BNIP3L: variants seen among roughly 807,000 people sequenced by gnomAD.
BNIP3L encodes the protein BCL2 interacting protein 3 like.
In BNIP3L, 10 loss-of-function variants were observed where a neutral mutation model predicts 25.5. The ratio of observed to expected loss-of-function variants is 0.39; its 90% confidence interval spans 0.24 to 0.67. The LOEUF (loss-of-function observed/expected upper bound fraction) is 0.67. Ranked by LOEUF, BNIP3L falls within the 30% of genes least tolerant of loss-of-function variation. The pLI, the probability that BNIP3L is intolerant of heterozygous loss-of-function variation, is 0.45. For missense variants in BNIP3L, 215 were observed against 270.9 expected (o/e 0.79, Z 1.45); for synonymous variants, 113 against 101.2 (o/e 1.12, Z -0.70).
intron 1 of BNIP3L, among the ~76,000 whole-genome samples, chr8:26,387,408 C>T (rs548304160): frequency 6.6e-6 from 1 of 152,200 alleles, no homozygotes; most frequent in Non-Finnish European, 1.5e-5. Flanking sequence ...TTTTAGTTTT[C>T]AAGCTTGATC....
intron 3 of BNIP3L, among the ~76,000 whole-genome samples, chr8:26,405,863 T>C (rs1806488446): frequency 6.6e-6 from 1 of 151,948 alleles, no homozygotes; most frequent in Non-Finnish European, 1.5e-5. Flanking sequence ...GCCAACATGG[T>C]GAAACCCCGT....
intron 5 of BNIP3L, 78 bp downstream of exon 5, chr8:26,408,454 A>G: frequency 6.7e-7 from 1 of 1,482,506 alleles, no homozygotes; most frequent in Admixed American, 2.1e-5. Context: ...TGTATGTGAA[A>G]GCAGTTTTTA....
At position 26,401,959 on chromosome 8, in the gene BNIP3L, G is replaced by A. The variant is rs147161864; in HGVS notation, c.358-6041G>A. Among the ~76,000 whole-genome samples, 147 of 152,222 alleles carry A rather than the reference G, an allele frequency of 9.7e-4. 2 individuals are homozygous for A. The East Asian group carries it at 0.021, about 21-fold the overall frequency. ...CATTAGAGTACAAATTCTTGAGGAC[G>A]GGAACCATTATCTTTTTCTCCTGTA... On this transcript the variant is annotated intron_variant, in intron 3 of 5. Transcript: ENST00000380629.
chr8:26,384,773 C>T (rs73217734), intron 1 of BNIP3L, among the ~76,000 whole-genome samples: 5,670 of 132,360 alleles, frequency 0.043, 161 homozygotes, highest in South Asian at 0.13. Flanking sequence ...CTCGCTCTGT[C>T]TACAACCTCC....
At position 26,408,395 on chromosome 8, in the gene BNIP3L, C is replaced by T. The variant is rs369241811; in HGVS notation, c.611+19C>T. The T allele has an allele frequency of 5.7e-6, 9 of 1,590,262 alleles. No individual in the cohort carries two copies. The highest frequency in any genetic ancestry group is 2.2e-5 in the East Asian group (1 of 44,606). ...GGCTAGGGTAAGTACCGGTCAACTCCTGAAGTTTTTTCCATTCATTTTATC... is the reference window on the plus strand; with the variant it reads ...GGCTAGGGTAAGTACCGGTCAACTCTTGAAGTTTTTTCCATTCATTTTATC... On this transcript the variant is annotated intron_variant, in intron 5 of 5. Coordinates refer to ENST00000380629, the MANE Select transcript of BNIP3L (RefSeq NM_004331.3).
intron 1 of BNIP3L, among the ~76,000 whole-genome samples, chr8:26,385,240 G>A (rs1323663159): frequency 2.0e-5 from 3 of 152,076 alleles, no homozygotes; most frequent in Admixed American, 1.3e-4. Flanking sequence ...GTAGGTGTAC[G>A]TGATTTCACT....
intron 3 of BNIP3L, among the ~76,000 whole-genome samples, chr8:26,401,057 C>T (rs1231971415): frequency 2.9e-5 from 4 of 138,652 alleles, no homozygotes; most frequent in Non-Finnish European, 6.3e-5. Flanking sequence ...CCAGCCATCC[C>T]ATTACTGGGT....
chr8:26,399,119 G>A (rs577170497), intron 3 of BNIP3L, among the ~76,000 whole-genome samples: 2 of 140,068 alleles, frequency 1.4e-5, no homozygotes, highest in South Asian at 4.8e-4. Context: ...AACCAAAAAA[G>A]AGAATTTTAG....
chr8:26,395,354 T>A (rs1806210333), intron 3 of BNIP3L, 52 bp downstream of exon 3: 2 of 1,549,542 alleles, frequency 1.3e-6, no homozygotes, highest in East Asian at 4.5e-5. Flanking sequence ...AGATGTAAAT[T>A]CTCTAAGTAT....
intron 3 of BNIP3L, among the ~76,000 whole-genome samples, chr8:26,399,033 T>C (rs1391158437): frequency 1.3e-4 from 19 of 150,986 alleles, no homozygotes; most frequent in Non-Finnish European, 2.2e-4. Context: ...TTCCAATCAA[T>C]AGAAAAAGAG....
rs564580294 is a variant in BNIP3L, at chr8:26,383,110, A to T, written c.-21A>T. ...CCGGAGACGGTCCTGCTGCTGCCGC[A>T]GTCCTGCCAGCTGTCCGACAATGTC... On this transcript the variant is annotated 5_prime_UTR_variant, in exon 1 of 6. Coordinates refer to ENST00000380629, the MANE Select transcript of BNIP3L (RefSeq NM_004331.3). 2 of 1,588,456 alleles carry T rather than the reference A, an allele frequency of 1.3e-6. No individual in the cohort carries two copies. Among genetic ancestry groups the T allele is most frequent in the Non-Finnish European group, 1.7e-6 (2 of 1,165,864 alleles).
chr8:26,399,891 A>C (rs1806330453), intron 3 of BNIP3L, among the ~76,000 whole-genome samples: 1 of 137,566 alleles, frequency 7.3e-6, no homozygotes, highest in Non-Finnish European at 1.6e-5. Context: ...AGAACTACAA[A>C]CCACTGCTCA....
At chr8:26,409,760 A>G (rs982416088) in intron 5 of BNIP3L, among the ~76,000 whole-genome samples, 4 of 152,190 alleles carry the variant, frequency 2.6e-5, no homozygotes, top group African/African-American at 9.7e-5. Context: ...GAGTGTTTAA[A>G]AAGTTCGTTG....
At chr8:26,406,477 A>G (rs927235204) in intron 3 of BNIP3L, among the ~76,000 whole-genome samples, 3 of 152,134 alleles carry the variant, frequency 2.0e-5, no homozygotes, top group Non-Finnish European at 4.4e-5. Context: ...CATCTGTAAA[A>G]TGGGATTTTA....
intron 2 of BNIP3L, 118 bp from the exon 3 acceptor site, chr8:26,395,112 C>A (rs934310085): frequency 2.1e-5 from 20 of 948,918 alleles, no homozygotes; most frequent in Non-Finnish European, 3.0e-5. Flanking sequence ...GATATATTCT[C>A]TGATTTGCTT....
chr8:26,385,220 A>G (rs750742613), intron 1 of BNIP3L, among the ~76,000 whole-genome samples: 3 of 152,134 alleles, frequency 2.0e-5, no homozygotes, highest in Non-Finnish European at 4.4e-5. Flanking sequence ...CTTATGAGTG[A>G]AGATACTTGG....
rs553582742 is a variant in BNIP3L at position 26,410,877 on chromosome 8, A to T, written c.*465A>T. ...CTAGTTGTTTTTTTTCCCCCAAGAC[A>T]AAGGCAAGTTTCCCTAAGTTTGAGT... is the stretch of plus-strand genomic sequence containing the variant. On this transcript the variant is annotated 3_prime_UTR_variant, in exon 6 of 6. Coordinates refer to ENST00000380629, the MANE Select transcript of BNIP3L (RefSeq NM_004331.3). The T allele has an allele frequency of 6.6e-6, 1 of 152,398 alleles. No individual in the cohort carries two copies. The highest frequency in any genetic ancestry group is 2.4e-5 in the African/African-American group (1 of 41,562). 9.4% of individuals were successfully genotyped at this position (152,398 alleles called of 1,614,324 possible).
At chr8:26,405,053 T>G (rs1194068369) in intron 3 of BNIP3L, among the ~76,000 whole-genome samples, 1 of 152,204 alleles carries the variant, frequency 6.6e-6, no homozygotes, top group Non-Finnish European at 1.5e-5. Flanking sequence ...TGGAGTTCTT[T>G]TTTGTTTTGT....
chr8:26,385,844 A>G (rs571499385), intron 1 of BNIP3L, among the ~76,000 whole-genome samples: 1 of 152,264 alleles, frequency 6.6e-6, no homozygotes, highest in South Asian at 2.1e-4. Context: ...GCTTTTAGAT[A>G]TTGCCATATT....
Sources: allele counts gnomAD v4.1 joint callset (sites outside exome capture counted in the v4.1 genomes callset), GRCh38; gene constraint gnomAD v4.1.1; transcripts MANE v1.5; gene names NCBI Gene and HGNC (gene_info 2026-07-23, HGNC 2026-07-21).